NAXD: variants seen among roughly 807,000 people sequenced by gnomAD.
NAXD encodes NAD(P)HX dehydratase, also known as ATP-dependent (S)-NAD(P)H-hydrate dehydratase.
Under a neutral mutation model 35.8 loss-of-function variants are expected in NAXD, and 22 were observed. The observed-to-expected ratio is 0.62, with a 90% confidence interval of 0.44 to 0.88. The LOEUF (loss-of-function observed/expected upper bound fraction) is 0.88. NAXD is among the 40% of genes least tolerant of loss of function. The pLI is 0.00. For missense variants in NAXD, 428 were observed against 437.7 expected, an observed-to-expected ratio of 0.98 and a Z score of 0.20; for synonymous variants, 189 against 177.6, an observed-to-expected ratio of 1.06 and a Z score of -0.51.
chr13:110,621,319 A>AT (rs1886254386), intron 1 of NAXD, among the ~76,000 whole-genome samples: 1 of 152,180 alleles, frequency 6.6e-6, no homozygotes, highest in Admixed American at 6.5e-5. Context: ...GTAATAATGC[A>AT]TTTTTTTACT....
intron 5 of NAXD, among the ~76,000 whole-genome samples, chr13:110,631,433 A>G (rs1886691914): frequency 6.6e-6 from 1 of 152,164 alleles, no homozygotes; most frequent in African/African-American, 2.4e-5. Flanking sequence ...TTTTTGAGAG[A>G]TGCCCCCAGA....
At chr13:110,622,387 G>C in intron 2 of NAXD, 21 bp downstream of exon 2, 1 of 1,608,692 alleles carries the variant, frequency 6.2e-7, no homozygotes, top group Non-Finnish European at 8.5e-7. Flanking sequence ...GATGTGCAGT[G>C]TTGGTGTTTA....
intron 1 of NAXD, among the ~76,000 whole-genome samples, chr13:110,618,675 ATATCT>A (rs1886148394): frequency 6.6e-6 from 1 of 152,148 alleles, no homozygotes; most frequent in Non-Finnish European, 1.5e-5. Flanking sequence ...GAGCCCCCTG[ATATCT>A]TATCATTTTA....
rs1886370554 is a variant in NAXD, at chr13:110,624,150, A to G, written c.198-84A>G. ...AACCATGTCTATATTATTTATGTCT[A>G]TTTTTTATTGATAACCTATTTATTG... On this transcript the variant is annotated intron_variant, in intron 2 of 9. Coordinates refer to ENST00000680254, the MANE Select transcript of NAXD (RefSeq NM_001242882.2). 8.7e-6 allele frequency: 7 copies of G among 803,968 alleles called. No homozygotes were observed. In the East Asian group the frequency reaches 1.2e-4, roughly 14 times the overall value. The allele number at this position is 803,968 out of a possible 1,614,324, so 49.8% of individuals were successfully genotyped here.
intron 8 of NAXD, among the ~76,000 whole-genome samples, chr13:110,635,904 G>A (rs1886908241): frequency 6.6e-6 from 1 of 152,242 alleles, no homozygotes; most frequent in African/African-American, 2.4e-5. Flanking sequence ...ACAGTGCAGG[G>A]TCCCGCGTCT....
chr13:110,615,877 T>A, intron 1 of NAXD: 1 of 1,023,956 alleles, frequency 9.8e-7, no homozygotes, highest in Non-Finnish European at 1.3e-6. Flanking sequence ...CGGGGCGGAG[T>A]AGGGAGAGGA....
chr13:110,624,616 G>A (rs571343726), intron 3 of NAXD, among the ~76,000 whole-genome samples: 5 of 152,126 alleles, frequency 3.3e-5, no homozygotes, highest in East Asian at 1.9e-4. Flanking sequence ...CTGCCACCAC[G>A]CCTGGCTAAT....
At chr13:110,637,311 T>C (rs913665945) in intron 9 of NAXD, 62 bp downstream of exon 9, 3 of 1,588,332 alleles carry the variant, frequency 1.9e-6, no homozygotes, top group African/African-American at 1.3e-5. Context: ...GCTGTTTCAG[T>C]AGCTCATGCG....
At chr13:110,635,144 C>T (rs948450502) in intron 7 of NAXD, among the ~76,000 whole-genome samples, 1 of 152,164 alleles carries the variant, frequency 6.6e-6, no homozygotes, top group Admixed American at 6.5e-5. Context: ...TGGTAAGTGT[C>T]CCATCAATGT....
chr13:110,634,491 T>TA (rs1258503728), intron 5 of NAXD, 54 bp from the exon 6 acceptor site: 1 of 1,575,182 alleles, frequency 6.3e-7, no homozygotes, highest in Non-Finnish European at 8.7e-7. Context: ...AGAAGACACA[T>TA]ACCCACACCA....
chr13:110,637,356 C>G, intron 9 of NAXD, 107 bp downstream of exon 9: 2 of 1,308,884 alleles, frequency 1.5e-6, no homozygotes, highest in Non-Finnish European at 2.2e-6. Flanking sequence ...TGACAATGAA[C>G]TCTAGGCTTC....
chr13:110,632,098 C>T (rs372154982), intron 5 of NAXD, among the ~76,000 whole-genome samples: 19 of 138,984 alleles, frequency 1.4e-4, no homozygotes, highest in African/African-American at 3.4e-4. Flanking sequence ...TAAGGTGGCG[C>T]GTCTGGAGTC....
At chr13:110,615,888 C>T (rs1413908555) in intron 1 of NAXD, 3 of 890,292 alleles carry the variant, frequency 3.4e-6, no homozygotes, top group Non-Finnish European at 4.5e-6. Context: ...AGGGAGAGGA[C>T]GGAGGCCTCC....
chr13:110,632,124 T>A (rs1419776433), intron 5 of NAXD, among the ~76,000 whole-genome samples: 1 of 138,574 alleles, frequency 7.2e-6, no homozygotes, highest in Non-Finnish European at 1.6e-5. Flanking sequence ...CTTCTGATGT[T>A]CAGATGTGTT....
At chr13:110,625,120 G>A (rs887064922) in intron 3 of NAXD, 70 bp from the exon 4 acceptor site, 8 of 1,110,048 alleles carry the variant, frequency 7.2e-6, no homozygotes, top group Admixed American at 6.8e-5. Flanking sequence ...AGCGCTGGAC[G>A]CCTGTGTCTG....
chr13:110,625,076 C>G (rs566410829), intron 3 of NAXD, 114 bp from the exon 4 acceptor site: 1 of 740,804 alleles, frequency 1.3e-6, no homozygotes, highest in Admixed American at 2.1e-5. Context: ...CGAGCTAGTA[C>G]GTTTCTCATG....
At chr13:110,619,014 C>T (rs968822469) in intron 1 of NAXD, among the ~76,000 whole-genome samples, 3 of 152,210 alleles carry the variant, frequency 2.0e-5, no homozygotes, top group Non-Finnish European at 2.9e-5. Flanking sequence ...CCCTGCTGTG[C>T]CCTCCTGGGA....
chr13:110,636,121 A>C (rs568017593), intron 8 of NAXD, among the ~76,000 whole-genome samples: 45 of 152,358 alleles, frequency 3.0e-4, no homozygotes, highest in African/African-American at 9.6e-4. Flanking sequence ...GCAAGAGCCA[A>C]GTGAGAGCAG....
At chr13:110,637,358 C>T (rs1055454588) in intron 9 of NAXD, 109 bp downstream of exon 9, 3 of 1,281,976 alleles carry the variant, frequency 2.3e-6, no homozygotes, top group Non-Finnish European at 3.3e-6. Context: ...ACAATGAACT[C>T]TAGGCTTCAC....
Sources: gnomAD v4.1 joint callset for allele counts (sites outside exome capture counted in the v4.1 genomes callset) on GRCh38, gnomAD v4.1.1 for gene constraint, MANE v1.5 for transcripts, NCBI Gene and HGNC (gene_info 2026-07-23, HGNC 2026-07-21) for gene names.